The following STK32B variants were observed in gnomAD, a reference collection of about 807,000 sequenced individuals.
STK32B encodes serine/threonine-protein kinase 32B.
A neutral mutation model predicts 52.6 loss-of-function variants in STK32B; 43 were observed. The observed-to-expected ratio is 0.82, with a 90% CI of 0.64 to 1.05. The LOEUF is 1.05. Among genes scored for constraint, STK32B ranks in the 50% least tolerant of loss-of-function variants. The probability of loss-of-function intolerance (pLI) is 0.00; values close to 1 mark genes in which losing one functional copy is unlikely to be tolerated. For synonymous variants in STK32B, 238 were observed against 204.3 expected, an observed-to-expected ratio of 1.17 and a Z score of -1.41; for missense variants, 621 against 534.6, an observed-to-expected ratio of 1.16 and a Z score of -1.59.
chr4:5,343,408 C>G (rs1423567904), intron 4 of STK32B, among the ~76,000 whole-genome samples: 5 of 152,120 alleles, frequency 3.3e-5, no homozygotes, highest in African/African-American at 1.2e-4. Context: ...CCGCAGTAAA[C>G]ATACGTATGC....
chr4:5,385,450 G>A (rs1408314263), intron 4 of STK32B, among the ~76,000 whole-genome samples: 9 of 149,456 alleles, frequency 6.0e-5, no homozygotes, highest in Non-Finnish European at 1.2e-4. Flanking sequence ...GAGTGTTGGA[G>A]GGAGGGGGGT....
chr4:5,308,155 G>A (rs778173621), intron 3 of STK32B, among the ~76,000 whole-genome samples: 1 of 152,200 alleles, frequency 6.6e-6, no homozygotes, highest in African/African-American at 2.4e-5. Flanking sequence ...TGATTGTATA[G>A]AGAGGATGAG....
intron 3 of STK32B, among the ~76,000 whole-genome samples, chr4:5,192,495 C>T (rs140214928): frequency 3.2e-4 from 49 of 152,212 alleles, no homozygotes; most frequent in Middle Eastern, 3.4e-3. Context: ...AGATCGCTAA[C>T]GGAAATAGTG....
intron 3 of STK32B, among the ~76,000 whole-genome samples, chr4:5,307,814 G>A (rs2108905967): frequency 6.8e-6 from 1 of 146,336 alleles, no homozygotes; most frequent in East Asian, 2.0e-4. Context: ...TGTCCCACGG[G>A]GGTGCTCTTT....
At chr4:5,069,243 G>A (rs11721724) in intron 1 of STK32B, among the ~76,000 whole-genome samples, 77,894 of 147,798 alleles carry the variant, frequency 0.53, 21,515 homozygotes, top group Middle Eastern at 0.63. Flanking sequence ...CCCAGGCTGG[G>A]GTACAGTGGC....
intron 3 of STK32B, among the ~76,000 whole-genome samples, chr4:5,246,246 A>G (rs1224481494): frequency 2.0e-5 from 3 of 152,156 alleles, no homozygotes; most frequent in African/African-American, 4.8e-5. Flanking sequence ...ACATAGTCCC[A>G]TATTTCTTGG....
Position 5,209,920 on chromosome 4 carries a change from C to T in STK32B, c.260+41470C>T, listed in dbSNP as rs116867027. On this transcript the variant is annotated intron_variant, in intron 3 of 11. Transcript: ENST00000282908. ...AGCCTAGATTGTTTCCTCTATACCA[C>T]TGCATCTTCAAGGGCAATAGATTTC... is the stretch of plus-strand genomic sequence containing the variant. Among the ~76,000 whole-genome samples the T allele has an allele frequency of 3.7e-4, 56 of 152,318 alleles. 1 individual carries two copies. The East Asian group carries it at 0.01, about 28-fold the overall frequency.
intron 3 of STK32B, among the ~76,000 whole-genome samples, chr4:5,175,715 G>A (rs755327226): frequency 1.3e-5 from 2 of 152,182 alleles, no homozygotes; most frequent in East Asian, 3.8e-4. Context: ...TGCCCCTACT[G>A]GGGGGTGCCT....
chr4:5,410,360 T>C (rs1711570607), intron 5 of STK32B, among the ~76,000 whole-genome samples: 1 of 151,724 alleles, frequency 6.6e-6, no homozygotes, highest in African/African-American at 2.4e-5. Context: ...ACCTGAGATT[T>C]ATTCCGAATT....
At chr4:5,174,230 A>G (rs1719631983) in intron 3 of STK32B, among the ~76,000 whole-genome samples, 1 of 152,064 alleles carries the variant, frequency 6.6e-6, no homozygotes, top group African/African-American at 2.4e-5. Flanking sequence ...AATACAGGAC[A>G]CTGATGGGTC....
intron 6 of STK32B, among the ~76,000 whole-genome samples, chr4:5,422,177 T>C (rs1440462933): frequency 6.6e-6 from 1 of 152,192 alleles, no homozygotes; most frequent in Non-Finnish European, 1.5e-5. Flanking sequence ...ATTTTCCTAA[T>C]GGTTGTATTT....
intron 1 of STK32B, among the ~76,000 whole-genome samples, chr4:5,126,077 TG>T (rs1291283061): frequency 1.3e-5 from 2 of 152,202 alleles, no homozygotes; most frequent in Non-Finnish European, 2.9e-5. Flanking sequence ...CATGTGGGTC[TG>T]GGTTCTCCAT....
intron 4 of STK32B, among the ~76,000 whole-genome samples, chr4:5,363,966 G>A (rs916053841): frequency 1.3e-5 from 2 of 151,670 alleles, no homozygotes; most frequent in Non-Finnish European, 2.9e-5. Flanking sequence ...GTAGGTTAAG[G>A]TTCTGTCAAT....
chr4:5,329,467 C>A (rs1229131513), intron 3 of STK32B, among the ~76,000 whole-genome samples: 1 of 152,166 alleles, frequency 6.6e-6, no homozygotes, highest in African/African-American at 2.4e-5. Context: ...CCCAGTAAAC[C>A]CCTCATGGGT....
chr4:5,023,350 C>G, the STK32B span, among the ~76,000 whole-genome samples: 2 of 152,138 alleles, frequency 1.3e-5, no homozygotes, highest in African/African-American at 4.8e-5. Context: ...TAGAAATTAT[C>G]CAGATCTACC....
intron 3 of STK32B, among the ~76,000 whole-genome samples, chr4:5,229,351 C>G (rs951384768): frequency 2.0e-5 from 3 of 152,104 alleles, no homozygotes; most frequent in African/African-American, 7.2e-5. Context: ...GACCTCACCA[C>G]TACGTAATGT....
chr4:5,426,692 C>CAAAAAAAAAAAAAAAAAAAAAAAA (rs746246839), intron 6 of STK32B, among the ~76,000 whole-genome samples: 2 of 78,012 alleles, frequency 2.6e-5, no homozygotes, highest in African/African-American at 4.7e-5. Flanking sequence ...TCCATCTAAA[C>CAAAAAAAAAAAAAAAAAAAAAAAA]AAAAAAAAAA....
intron 11 of STK32B, among the ~76,000 whole-genome samples, chr4:5,488,201 G>T (rs12506105): frequency 2.0e-5 from 3 of 152,170 alleles, no homozygotes; most frequent in African/African-American, 7.2e-5. Flanking sequence ...AGGAGGCTGA[G>T]GCTGGAGAAT....
At position 5,252,489 on chromosome 4, in the gene STK32B, A is replaced by G. The variant is rs150161683; in HGVS notation, c.261-78731A>G. Among the ~76,000 whole-genome samples the G allele has an allele frequency of 2.0e-5, 3 of 152,280 alleles. No individual in the cohort carries two copies. The East Asian group carries it at 5.8e-4, about 29-fold the overall frequency. ...GCTGCTGCACATCATCCCAGAGTGC[A>G]TTACTGGGAAGGCAGATGATGAGTG... On this transcript the variant is annotated intron_variant, in intron 3 of 11. Coordinates refer to ENST00000282908, the MANE Select transcript of STK32B (RefSeq NM_018401.3).
Sources: gnomAD v4.1 joint callset for allele counts (sites outside exome capture counted in the v4.1 genomes callset) on GRCh38, gnomAD v4.1.1 for gene constraint, MANE v1.5 for transcripts, NCBI Gene and HGNC (gene_info 2026-07-23, HGNC 2026-07-21) for gene names.